The following CHIT1 variants were observed in gnomAD, a reference collection of about 807,000 sequenced individuals.
CHIT1 encodes the protein chitotriosidase-1.
A neutral mutation model predicts 52.0 loss-of-function variants in CHIT1; 47 were observed. The ratio of observed to expected loss-of-function variants is 0.90; its 90% confidence interval spans 0.71 to 1.15. The LOEUF (loss-of-function observed/expected upper bound fraction) is 1.15. CHIT1 is among the 50% of genes most tolerant of loss of function. The pLI is 0.00. For missense variants in CHIT1, 569 were observed against 583.0 expected (o/e 0.98, Z 0.25); for synonymous variants, 242 against 228.2 (o/e 1.06, Z -0.54).
chr1:203,223,612 G>A lies in CHIT1; in HGVS notation c.363C>T (p.Asn121=). The change falls in exon 5 of 11, where the codon AAC becomes AAT. Residue 121 remains asparagine (N), a synonymous_variant. Coordinates refer to ENST00000367229, the MANE Select transcript of CHIT1 (RefSeq NM_003465.3). ...ATANNRQTFV[N]SAIRFLRKYS... ...ATTTGCGCAGAAACCTGATGGCCGA[G>A]TTGACAAAGGTCTGACGGTTGTTGG... is the stretch of plus-strand genomic sequence containing the variant. The A allele has an allele frequency of 1.2e-6, 2 of 1,614,264 alleles. No individual in the cohort carries two copies. Among genetic ancestry groups the A allele is most frequent in the Non-Finnish European group, 1.7e-6 (2 of 1,180,050 alleles).
intron 4 of CHIT1, 79 bp downstream of exon 4, chr1:203,224,969 C>T: frequency 7.4e-7 from 1 of 1,350,458 alleles, no homozygotes; most frequent in Non-Finnish European, 1.1e-6. Context: ...GCCTGATTCC[C>T]TGACCAGGGC....
intron 9 of CHIT1, 47 bp downstream of exon 9, chr1:203,219,169 G>T: frequency 1.0e-6 from 1 of 953,404 alleles, no homozygotes; most frequent in Non-Finnish European, 1.7e-6. Flanking sequence ...TCATTGACAG[G>T]ACTTGTTCAC....
intron 7 of CHIT1, among the ~76,000 whole-genome samples, chr1:203,221,528 G>A (rs542742031): frequency 1.8e-4 from 27 of 152,218 alleles, no homozygotes; most frequent in African/African-American, 6.3e-4. Context: ...GGCTGGGGCA[G>A]GAGGATCGCT....
chr1:203,224,882 G>T (rs544190488), intron 4 of CHIT1, among the ~76,000 whole-genome samples, 166 bp downstream of exon 4: 3 of 152,190 alleles, frequency 2.0e-5, no homozygotes, highest in Non-Finnish European at 4.4e-5. Flanking sequence ...TCCAGCTGAG[G>T]TGCCAAGAAC....
chr1:203,227,776 A>AT (rs1409124999), intron 2 of CHIT1, among the ~76,000 whole-genome samples: 5 of 152,196 alleles, frequency 3.3e-5, no homozygotes, highest in African/African-American at 1.2e-4. Flanking sequence ...TTTTTGAGAA[A>AT]TCTTCCACCT....
At chr1:203,217,231 A>G (rs1391824988) in intron 10 of CHIT1, 98 bp from the exon 11 acceptor site, 1 of 1,593,024 alleles carries the variant, frequency 6.3e-7, no homozygotes, top group Non-Finnish European at 8.5e-7. Context: ...GCAGCAGCCC[A>G]GCACCACATG....
At chr1:203,219,593 G>T in intron 8 of CHIT1, 71 bp downstream of exon 8, 1 of 1,553,788 alleles carries the variant, frequency 6.4e-7, no homozygotes, top group Non-Finnish European at 8.9e-7. Context: ...AACGGTGGGA[G>T]AAGGAAACCT....
In CHIT1 at chr1:203,217,039, G is replaced by A. The variant is rs1426400234; in HGVS notation, c.1251C>T (p.Asp417=). The A allele has an allele frequency of 6.2e-7, 1 of 1,613,972 alleles. No individual in the cohort carries two copies. The highest frequency in any genetic ancestry group is 1.3e-5 in the African/African-American group (1 of 74,946). ...CATCAGCTTTGCCCTGGCAGAACGT[G>A]TCTTGTCCAGGGCTGGGGCCATGCT... ...EPEHGPSPGQ[D]TFCQGKADGL... is the part of the protein sequence containing the mutation. Residue 417 remains aspartate, a synonymous_variant, in exon 11 of 11, where the codon GAC becomes GAT. Transcript: ENST00000367229.
rs1430550239 is a variant in CHIT1 at position 203,216,080 on chromosome 1, A to T, written c.*809T>A. The T allele has an allele frequency of 6.6e-6, 3 of 452,944 alleles. No individual in the cohort carries two copies. Among genetic ancestry groups the T allele is most frequent in the South Asian group, 4.7e-5 (3 of 64,468 alleles). 28.1% of individuals were successfully genotyped at this position (452,944 alleles called of 1,614,324 possible). A position where few individuals can be genotyped will look rare whatever the true frequency, so the allele number is the denominator to read the frequency against. On this transcript the variant is annotated 3_prime_UTR_variant, in exon 11 of 11. Coordinates refer to ENST00000367229, the MANE Select transcript of CHIT1 (RefSeq NM_003465.3). ...CAAGGTGCAGCCCAAAGCAGCCAGG[A>T]ATGTTGGGATGACTTTATTTAACCA... is the stretch of plus-strand genomic sequence containing the variant.
intron 6 of CHIT1, 138 bp from the exon 7 acceptor site, chr1:203,222,463 G>A: frequency 7.6e-7 from 1 of 1,307,716 alleles, no homozygotes; most frequent in Admixed American, 2.0e-5. Flanking sequence ...GGCTCACCTG[G>A]CTCTGCAGAA....
At chr1:203,219,162 T>G in intron 9 of CHIT1, 54 bp downstream of exon 9, 1 of 907,994 alleles carries the variant, frequency 1.1e-6, no homozygotes, top group South Asian at 1.3e-5. Flanking sequence ...TTCCATGTCA[T>G]TGACAGGACT....
At chr1:203,227,614 G>T (rs1320177670) in intron 2 of CHIT1, among the ~76,000 whole-genome samples, 2 of 152,162 alleles carry the variant, frequency 1.3e-5, no homozygotes, top group Admixed American at 1.3e-4. Flanking sequence ...ACCCCAGTGT[G>T]GGCTAAAGTT....
upstream of CHIT1, chr1:203,229,879 G>T: frequency 1.7e-6 from 1 of 581,364 alleles, no homozygotes; most frequent in South Asian, 1.8e-5. Context: ...TCTTAGTGTT[G>T]CCAAACAGAG....
In CHIT1 at chr1:203,216,612, A is replaced by G. The variant is rs1465092698; in HGVS notation, c.*277T>C. ...CTTCCCACCTGGCTCTGACCTGCGG[A>G]TGTTTTGGAGTCAACAGTGTGCTTA... On this transcript the variant is annotated 3_prime_UTR_variant, in exon 11 of 11. Coordinates refer to ENST00000367229, the MANE Select transcript of CHIT1 (RefSeq NM_003465.3). The G allele has an allele frequency of 1.9e-6, 1 of 529,252 alleles. No homozygotes were observed. Among genetic ancestry groups the G allele is most frequent in the South Asian group, 1.5e-5 (1 of 65,146 alleles). 32.8% of individuals were successfully genotyped at this position (529,252 alleles called of 1,614,324 possible).
At position 203,219,819 on chromosome 1, in the gene CHIT1, C is replaced by T. The variant is rs775305615; in HGVS notation, c.760G>A (p.Gly254Arg). The change falls in exon 8 of 11, where the codon GGG (glycine) becomes AGG (arginine). Residue 254 changes from glycine (G) to arginine (R), a missense_variant. Physicochemically the swap from Gly to Arg is moderately radical, Grantham distance 125. Coordinates refer to ENST00000367229, the MANE Select transcript of CHIT1 (RefSeq NM_003465.3). ...DAAVQQWLQK[G>R]TPASKLILGM... ...AGGATCAGCTTGCTGGCAGGGGTCCCCTTCTGCAGCCACTGTTGCACAGCA... is the reference window on the plus strand; with the variant it reads ...AGGATCAGCTTGCTGGCAGGGGTCCTCTTCTGCAGCCACTGTTGCACAGCA... The T allele has an allele frequency of 3.1e-6, 5 of 1,612,300 alleles. No homozygotes were observed. The highest frequency in any genetic ancestry group is 4.2e-6 in the Non-Finnish European group (5 of 1,179,854).
rs776258933 is a variant in CHIT1 at position 203,216,977 on chromosome 1, T to C, written c.1313A>G (p.Tyr438Cys). ...GAACAGCCGCCCCGCTGCACAGCTGTAGAAGCTGGACCGTTCCCGAGGATT... is the reference window on the plus strand; with the variant it reads ...GAACAGCCGCCCCGCTGCACAGCTGCAGAAGCTGGACCGTTCCCGAGGATT... Reference protein sequence around the residue: ...YPNPRERSSFYSCAAGRLFQQ... With the variant: ...YPNPRERSSFCSCAAGRLFQQ... The change falls in exon 11 of 11, where the codon TAC (tyrosine) becomes TGC (cysteine). Residue 438 changes from tyrosine to cysteine, a missense_variant. By Grantham distance (194) the Tyr-to-Cys change is radical (BLOSUM62 -2). Transcript: ENST00000367229. The C allele has an allele frequency of 1.9e-6, 3 of 1,614,188 alleles. No individual in the cohort carries two copies. The highest frequency in any genetic ancestry group is 2.5e-6 in the Non-Finnish European group (3 of 1,180,002).
Position 203,217,251 on chromosome 1 carries a change from C to A in CHIT1, c.1157-118G>T, listed in dbSNP as rs1339496504. The A allele has an allele frequency of 2.5e-6, 4 of 1,582,342 alleles. No individual in the cohort carries two copies. In the African/African-American group the frequency reaches 5.3e-5, roughly 21 times the overall value. On this transcript the variant is annotated intron_variant, in intron 10 of 10. Transcript: ENST00000367229. ...AGCCCAGCACCACATGCCCTACAGGCTGAGTACAGCCAGATACCCCAGGCA... is the reference window on the plus strand; with the variant it reads ...AGCCCAGCACCACATGCCCTACAGGATGAGTACAGCCAGATACCCCAGGCA...
In CHIT1 at chr1:203,223,178, G is replaced by A; in HGVS notation, c.562C>T (p.Gln188Ter). 1 of 1,614,180 alleles carries A rather than the reference G, an allele frequency of 6.2e-7. No homozygotes were observed. Among genetic ancestry groups the A allele is most frequent in the South Asian group, 1.1e-5 (1 of 91,084 alleles). Residue 188 changes from glutamine to a stop codon, truncating the protein, a stop_gained, in exon 6 of 11, where the codon CAG (glutamine) becomes TAG (stop). Coordinates refer to ENST00000367229, the MANE Select transcript of CHIT1 (RefSeq NM_003465.3). LOFTEE classifies it high-confidence loss of function. ...LLLSAAVPAG[Q>*]TYVDAGYEVD... ...TCGTATCCAGCATCCACATAGGTCT[G>A]CCCAGCTGGAACCGCTGCACTCAGA...
intron 3 of CHIT1, among the ~76,000 whole-genome samples, chr1:203,225,416 C>CATT (rs140940634): frequency 0.094 from 14,339 of 152,084 alleles, 903 homozygotes; most frequent in Admixed American, 0.13. Flanking sequence ...GAAGGGGCTT[C>CATT]ATGGGAGACA....
Sources: gnomAD v4.1 joint callset for allele counts (sites outside exome capture counted in the v4.1 genomes callset) on GRCh38, gnomAD v4.1.1 for gene constraint, MANE v1.5 for transcripts, NCBI Gene and HGNC (gene_info 2026-07-23, HGNC 2026-07-21) for gene names.